The following ZNF148 variants were observed in gnomAD, a reference collection of about 807,000 sequenced individuals.
The protein encoded by ZNF148 is zinc finger protein 148.
A neutral mutation model predicts 67.7 loss-of-function variants in ZNF148; 7 were observed. The observed-to-expected ratio is 0.10, with a 90% CI of 0.06 to 0.19. The LOEUF is 0.19. Ranked by LOEUF, ZNF148 falls within the 10% of genes least tolerant of loss-of-function variation. The pLI, the probability that ZNF148 is intolerant of heterozygous loss-of-function variation, is 1.00. For synonymous variants in ZNF148, 333 were observed against 330.7 expected, an observed-to-expected ratio of 1.01 and a Z score of -0.08; for missense variants, 583 against 947.1, an observed-to-expected ratio of 0.62 and a Z score of 5.05.
chr3:125,228,528 G>GT lies in ZNF148; in HGVS notation c.*3812dup, dbSNP rs1935727229. On this transcript the variant is annotated 3_prime_UTR_variant, in exon 9 of 9. Transcript: ENST00000360647. ...CTACTTGTAAAGTTAGCACTGCTAT[G>GT]TATTATTGCTTACATACAGTACAAC... 1.3e-5 allele frequency: 2 copies of GT among 152,686 alleles called. No individual in the cohort carries two copies. Among genetic ancestry groups the GT allele is most frequent in the South Asian group, 2.1e-4 (1 of 4,832 alleles). The allele number at this position is 152,686 out of a possible 1,614,324, so 9.5% of individuals were successfully genotyped here.
intron 4 of ZNF148, among the ~76,000 whole-genome samples, chr3:125,291,448 A>G (rs771823190): frequency 1.3e-5 from 2 of 152,092 alleles, no homozygotes; most frequent in South Asian, 4.1e-4. Flanking sequence ...ACTCCTCTCC[A>G]TTTCTGAAGT....
intron 1 of ZNF148, among the ~76,000 whole-genome samples, chr3:125,339,869 G>A (rs573983939): frequency 4.6e-5 from 7 of 151,954 alleles, no homozygotes; most frequent in South Asian, 2.1e-4. Flanking sequence ...AGACGAGATC[G>A]GGTGCGTTCA....
rs573669917 is a variant in ZNF148 at position 125,234,054 on chromosome 3, T to G, written c.787-115A>C. 2.9e-6 allele frequency: 4 copies of G among 1,373,018 alleles called. No individual in the cohort carries two copies. The East Asian group carries it at 1.0e-4, about 35-fold the overall frequency. The allele number at this position is 1,373,018 out of a possible 1,614,324, so 85.1% of individuals were successfully genotyped here. Reference sequence around the variant, plus strand: ...ATATTAATGCAATAACATACATAATTCCAAACAAATTCACTGAGCCAATTT... The same window carrying G: ...ATATTAATGCAATAACATACATAATGCCAAACAAATTCACTGAGCCAATTT... On this transcript the variant is annotated intron_variant, in intron 8 of 8. Coordinates refer to ENST00000360647, the MANE Select transcript of ZNF148 (RefSeq NM_021964.3).
rs1935611317 is a variant in ZNF148, at chr3:125,225,838, T to C, written c.*6503A>G. 1.3e-5 allele frequency: 2 copies of C among 152,142 alleles called. No individual in the cohort carries two copies. Among genetic ancestry groups the C allele is most frequent in the African/African-American group, 4.8e-5 (2 of 41,430 alleles). 9.4% of individuals were successfully genotyped at this position (152,142 alleles called of 1,614,324 possible). Reference sequence around the variant, plus strand: ...CAGTGGTATTATTATGTACAATTGGTTAAAGCACCATGCTAATAATAAGGC... The same window carrying C: ...CAGTGGTATTATTATGTACAATTGGCTAAAGCACCATGCTAATAATAAGGC... On this transcript the variant is annotated 3_prime_UTR_variant, in exon 9 of 9. Transcript: ENST00000360647.
intron 7 of ZNF148, among the ~76,000 whole-genome samples, chr3:125,265,727 T>C (rs186454959): frequency 6.6e-6 from 1 of 152,296 alleles, no homozygotes; most frequent in Admixed American, 6.5e-5. Context: ...AGAATATATA[T>C]GATTGATTTT....
At chr3:125,313,256 G>C in intron 4 of ZNF148, 52 bp downstream of exon 4, 1 of 1,476,920 alleles carries the variant, frequency 6.8e-7, no homozygotes, top group Non-Finnish European at 9.2e-7. Context: ...GCAGTATTAC[G>C]TAACAAAAAA....
At chr3:125,325,979 AAT>A (rs1170584284) in intron 2 of ZNF148, among the ~76,000 whole-genome samples, 1 of 152,252 alleles carries the variant, frequency 6.6e-6, no homozygotes, top group Non-Finnish European at 1.5e-5. Context: ...AGTTAGAAAC[AAT>A]AGAGGCAAGA....
At chr3:125,326,722 GTATATAAATATACATATTTA>G (rs1941036484) in intron 2 of ZNF148, among the ~76,000 whole-genome samples, 1 of 144,422 alleles carries the variant, frequency 6.9e-6, no homozygotes, top group African/African-American at 2.5e-5. Context: ...TTTTATATAT[GTATATAAATATACATATTTA>G]TATGTATATA....
intron 4 of ZNF148, among the ~76,000 whole-genome samples, chr3:125,288,831 G>A (rs1938849668): frequency 6.6e-6 from 1 of 152,148 alleles, no homozygotes; most frequent in Non-Finnish European, 1.5e-5. Context: ...CCAAATATGT[G>A]TTTATAGAAG....
chr3:125,345,282 T>A (rs1941897302), intron 1 of ZNF148, among the ~76,000 whole-genome samples: 1 of 151,996 alleles, frequency 6.6e-6, no homozygotes, highest in South Asian at 2.1e-4. Flanking sequence ...AACACACTTT[T>A]AAAAAGTCCA....
chr3:125,364,799 A>G (rs1163646377), intron 1 of ZNF148, among the ~76,000 whole-genome samples: 4 of 152,230 alleles, frequency 2.6e-5, no homozygotes, highest in African/African-American at 9.6e-5. Flanking sequence ...TACTGTATTT[A>G]TCTCAATAAA....
At chr3:125,275,352 C>T (rs950088933) in intron 7 of ZNF148, among the ~76,000 whole-genome samples, 2 of 152,066 alleles carry the variant, frequency 1.3e-5, no homozygotes, top group Non-Finnish European at 2.9e-5. Context: ...GCTACTATAC[C>T]TATAGGAAGG....
At chr3:125,281,069 C>T (rs2107612204) in intron 5 of ZNF148, among the ~76,000 whole-genome samples, 1 of 152,316 alleles carries the variant, frequency 6.6e-6, no homozygotes, top group East Asian at 1.9e-4. Context: ...ACAGTTCAGC[C>T]TATACTATAT....
chr3:125,305,768 A>T (rs1341517098), intron 4 of ZNF148, among the ~76,000 whole-genome samples: 1 of 151,396 alleles, frequency 6.6e-6, no homozygotes, highest in African/African-American at 2.4e-5. Flanking sequence ...AGCCATGATC[A>T]CACCACTGCA....
chr3:125,308,028 T>C (rs1335300960), intron 4 of ZNF148, among the ~76,000 whole-genome samples: 1 of 152,096 alleles, frequency 6.6e-6, no homozygotes, highest in East Asian at 1.9e-4. Context: ...ACATGTCTAC[T>C]TGCATCGCTT....
In ZNF148 at chr3:125,228,405, C is replaced by G. The variant is rs1021533395; in HGVS notation, c.*3936G>C. The G allele has an allele frequency of 6.6e-6, 1 of 152,450 alleles. No individual in the cohort carries two copies. The highest frequency in any genetic ancestry group is 1.5e-5 in the Non-Finnish European group (1 of 67,980). The allele number at this position is 152,450 out of a possible 1,614,324, so 9.4% of individuals were successfully genotyped here. A position where few individuals can be genotyped will look rare whatever the true frequency, so the allele number is the denominator to read the frequency against. ...CAGTGTTACGTTCCAATAGGAGGAA[C>G]AATGGAATTTGCTTATAAAAACTGA... is the stretch of plus-strand genomic sequence containing the variant. On this transcript the variant is annotated 3_prime_UTR_variant, in exon 9 of 9. Coordinates refer to ENST00000360647, the MANE Select transcript of ZNF148 (RefSeq NM_021964.3).
intron 1 of ZNF148, among the ~76,000 whole-genome samples, chr3:125,352,652 A>C (rs1942194216): frequency 8.0e-6 from 1 of 124,788 alleles, no homozygotes; most frequent in African/African-American, 3.3e-5. Context: ...GGACTGAAGG[A>C]CCTCTATCTT....
chr3:125,298,470 T>C (rs1939406615), intron 4 of ZNF148, among the ~76,000 whole-genome samples: 1 of 151,902 alleles, frequency 6.6e-6, no homozygotes, highest in Admixed American at 6.6e-5. Context: ...TATCCTTTAA[T>C]CACTCATTAA....
intron 1 of ZNF148, among the ~76,000 whole-genome samples, chr3:125,353,325 T>C (rs1942222034): frequency 6.6e-6 from 1 of 151,266 alleles, no homozygotes; most frequent in Non-Finnish European, 1.5e-5. Context: ...GCAAGAGGAG[T>C]TTCCTTTGTG....
Sources: allele counts gnomAD v4.1 joint callset (sites outside exome capture counted in the v4.1 genomes callset), GRCh38; gene constraint gnomAD v4.1.1; transcripts MANE v1.5; gene names NCBI Gene and HGNC (gene_info 2026-07-23, HGNC 2026-07-21).